The following MYO7B variants were observed in gnomAD, a reference collection of about 807,000 sequenced individuals.
MYO7B encodes the protein myosin VIIB.
MYO7B carries 212 observed loss-of-function variants against 259.7 expected under a neutral mutation model. That is an observed-to-expected ratio of 0.82 (90% confidence interval 0.73 to 0.91). MYO7B has a LOEUF of 0.91. MYO7B is among the 40% of genes least tolerant of loss of function. The pLI is 0.00. For missense variants in MYO7B, 2,732 were observed against 2,813.5 expected, an observed-to-expected ratio of 0.97 and a Z score of 0.66; for synonymous variants, 1,197 against 1,166.4, an observed-to-expected ratio of 1.03 and a Z score of -0.54.
At chr2:127,579,128 G>A (rs1303723629) in intron 9 of MYO7B, among the ~76,000 whole-genome samples, 1 of 152,178 alleles carries the variant, frequency 6.6e-6, no homozygotes, top group African/African-American at 2.4e-5. Context: ...CATGGAGAGA[G>A]GAATGGCGGG....
chr2:127,582,396 G>A lies in MYO7B; in HGVS notation c.1293G>A (p.Arg431=). 1 of 1,613,460 alleles carries A rather than the reference G, an allele frequency of 6.2e-7. No homozygotes were observed. Among genetic ancestry groups the A allele is most frequent in the Non-Finnish European group, 8.5e-7 (1 of 1,179,718 alleles). The change falls in exon 12 of 48, where the codon AGG becomes AGA. Residue 431 remains arginine (R), a synonymous_variant. Transcript: ENST00000409816. ...PPAQDPKNVR[R]AIGLLDIFGF... ...CCCAGGACCCCAAAAATGTGCGGAG[G>A]GCCATCGGCCTCCTGGACATATTTG... is the stretch of plus-strand genomic sequence containing the variant.
rs141611568 is a variant in MYO7B at position 127,627,892 on chromosome 2, G to A, written c.4461-480G>A. The A allele has an allele frequency of 8.5e-5, 39 of 459,046 alleles. No homozygotes were observed. In the East Asian group the frequency reaches 2.5e-3, roughly 29 times the overall value. The allele number at this position is 459,046 out of a possible 1,614,324, so 28.4% of individuals were successfully genotyped here. A position where few individuals can be genotyped will look rare whatever the true frequency, so the allele number is the denominator to read the frequency against. On this transcript the variant is annotated intron_variant, in intron 33 of 47. Coordinates refer to ENST00000409816, the MANE Select transcript of MYO7B (RefSeq NM_001393586.1). This position sits in a 1 kb window ranked among gnomAD's most constrained non-coding sequence, Gnocchi z 5.6. ...CATGCATCTCTGGGCTGTGCCAGGT[G>A]TACAGTGGCCACCACTCCCCACTGG... is the stretch of plus-strand genomic sequence containing the variant.
At chr2:127,626,332 T>C (rs1037250961) in intron 31 of MYO7B, 2 of 152,652 alleles carry the variant, frequency 1.3e-5, no homozygotes, top group Admixed American at 1.3e-4. Context: ...GTCACAATCC[T>C]GCAAGGCATA....
rs371460683 is a variant in MYO7B, at chr2:127,623,225, C to A, written c.3669C>A (p.Ile1223=). 35 of 1,613,506 alleles carry A rather than the reference C, an allele frequency of 2.2e-5. No homozygotes were observed. The highest frequency in any genetic ancestry group is 3.0e-5 in the Non-Finnish European group (35 of 1,179,788). The change falls in exon 29 of 48, where the codon ATC becomes ATA. Residue 1223 remains isoleucine, a synonymous_variant. Coordinates refer to ENST00000409816, the MANE Select transcript of MYO7B (RefSeq NM_001393586.1). The stretch of plus-strand genomic sequence containing the variant: ...AGGCTGTCAAGTCCAAGAAGCACAT[C>A]CCCATCCAAGTCATCTTGGCCACTG... ...ELQAVKSKKH[I]PIQVILATGE... is the part of the protein sequence containing the mutation.
Position 127,635,759 on chromosome 2 carries a change from C to G in MYO7B, c.5858C>G (p.Ser1953Trp). The change falls in exon 44 of 48, where the codon TCG (serine) becomes TGG (tryptophan). Residue 1953 changes from serine (S) to tryptophan (W), a missense_variant. By Grantham distance (177) the Ser-to-Trp change is radical. This residue lies in a region of MYO7B where 821 missense variants were observed against 769.3 expected (regional missense o/e 1.07). Coordinates refer to ENST00000409816, the MANE Select transcript of MYO7B (RefSeq NM_001393586.1). ...TACCTGCGCGGATTCCACAAGTGTTCGCGGGAGGATGCCATCCACCTGGCG... is the reference window on the plus strand; with the variant it reads ...TACCTGCGCGGATTCCACAAGTGTTGGCGGGAGGATGCCATCCACCTGGCG... ...PKYLRGFHKCSREDAIHLAGL... is the reference protein window; with the variant it reads ...PKYLRGFHKCWREDAIHLAGL... The G allele has an allele frequency of 6.2e-7, 1 of 1,603,318 alleles. No individual in the cohort carries two copies. Among genetic ancestry groups the G allele is most frequent in the South Asian group, 1.1e-5 (1 of 88,928 alleles).
chr2:127,623,085 C>G (rs1680917379), intron 28 of MYO7B, 117 bp from the exon 29 acceptor site: 13 of 1,283,252 alleles, frequency 1.0e-5, no homozygotes, highest in Non-Finnish European at 1.4e-5. Context: ...CCTGGGAACC[C>G]ACGGGATGGC....
At chr2:127,570,068 AG>A (rs1393782378) in intron 6 of MYO7B, among the ~76,000 whole-genome samples, 158 bp downstream of exon 6, 2 of 152,082 alleles carry the variant, frequency 1.3e-5, no homozygotes, top group Non-Finnish European at 2.9e-5. Flanking sequence ...TGGTAGGGGA[AG>A]GGGGGCCAGG....
rs748911434 is a variant in MYO7B, at chr2:127,584,089, C to A, written c.1344-33C>A. On this transcript the variant is annotated intron_variant, in intron 12 of 47. Transcript: ENST00000409816. The surrounding 1 kb of genome is among the most constrained non-coding windows in gnomAD (Gnocchi z 5.8). ...TGCAGCGGGGACTCAGCTGGCCCCA[C>A]TCCACCCCTGGGCAGTGACCTTGCC... is the stretch of plus-strand genomic sequence containing the variant. The A allele has an allele frequency of 9.4e-6, 15 of 1,592,106 alleles. No homozygotes were observed. The highest frequency in any genetic ancestry group is 2.3e-5 in the South Asian group (2 of 88,392).
intron 19 of MYO7B, among the ~76,000 whole-genome samples, chr2:127,599,036 G>A (rs1442891429): frequency 4.6e-5 from 7 of 152,098 alleles, no homozygotes; most frequent in Non-Finnish European, 1.0e-4. Flanking sequence ...AAGTGTTTTA[G>A]TTATTGTAGT....
In MYO7B at chr2:127,609,666, G is replaced by A. The variant is rs749804308; in HGVS notation, c.2975G>A (p.Arg992Gln). The change falls in exon 23 of 48, where the codon CGG becomes CAG. Residue 992 changes from arginine to glutamine, a missense_variant. By Grantham distance (43) the Arg-to-Gln change is conservative. Transcript: ENST00000409816. The surrounding 1 kb of genome is among the most constrained non-coding windows in gnomAD (Gnocchi z 6.9). ...TCAGCCAGCCACACACACATCCGGCGGCCCCTCCGATACCCGTTGCTTTAC... is the reference window on the plus strand; with the variant it reads ...TCAGCCAGCCACACACACATCCGGCAGCCCCTCCGATACCCGTTGCTTTAC... ...QKSASHTHIR[R>Q]PLRYPLLYHE... 1.4e-5 allele frequency: 22 copies of A among 1,613,856 alleles called. No homozygotes were observed. The South Asian group carries it at 1.5e-4, about 11-fold the overall frequency.
Position 127,609,951 on chromosome 2 carries a change from C to T in MYO7B, c.3127C>T (p.Gln1043Ter). The part of the protein sequence containing the change: ...SSQQGSSVMR[Q>*]IHDTLGREHG... ...CCAGCAGGGCAGCTCAGTGATGCGG[C>T]AGATCCATGACACGCTGGGCAGGGA... The change falls in exon 24 of 48, where the codon CAG becomes TAG. Residue 1043 changes from glutamine (Q) to a stop codon, truncating the protein, a stop_gained. Coordinates refer to ENST00000409816, the MANE Select transcript of MYO7B (RefSeq NM_001393586.1). LOFTEE classifies it high-confidence loss of function. The surrounding 1 kb of genome is among the most constrained non-coding windows in gnomAD (Gnocchi z 6.9). 6.2e-7 allele frequency: 1 copy of T among 1,607,864 alleles called. No individual in the cohort carries two copies. Among genetic ancestry groups the T allele is most frequent in the Non-Finnish European group, 8.5e-7 (1 of 1,177,092 alleles).
Position 127,584,009 on chromosome 2 carries a change from C to A in MYO7B, c.1344-113C>A. ...TGTACACGAGGTGTGCATCTGTGGGCATATCTGTATGCAGCTGTTTGCAGA... is the reference window on the plus strand; with the variant it reads ...TGTACACGAGGTGTGCATCTGTGGGAATATCTGTATGCAGCTGTTTGCAGA... On this transcript the variant is annotated intron_variant, in intron 12 of 47. Coordinates refer to ENST00000409816, the MANE Select transcript of MYO7B (RefSeq NM_001393586.1). This position sits in a 1 kb window ranked among gnomAD's most constrained non-coding sequence, Gnocchi z 5.8. 1 of 895,102 alleles carries A rather than the reference C, an allele frequency of 1.1e-6. No individual in the cohort carries two copies. The highest frequency in any genetic ancestry group is 1.8e-6 in the Non-Finnish European group (1 of 568,590). The allele number at this position is 895,102 out of a possible 1,614,324, so 55.4% of individuals were successfully genotyped here.
chr2:127,630,878 C>A lies in MYO7B; in HGVS notation c.4907C>A (p.Thr1636Asn), dbSNP rs1008418056. 6.2e-7 allele frequency: 1 copy of A among 1,602,606 alleles called. No individual in the cohort carries two copies. Among genetic ancestry groups the A allele is most frequent in the Non-Finnish European group, 8.5e-7 (1 of 1,174,646 alleles). ...PEEPPKEKLH[T>N]LEEFSYEFFR... Reference sequence around the variant, plus strand: ...GAGCCACCCAAGGAAAAGCTGCACACCCTGGAGGAGTTCTCCTATGAGTTC... The same window carrying A: ...GAGCCACCCAAGGAAAAGCTGCACAACCTGGAGGAGTTCTCCTATGAGTTC... Residue 1636 changes from threonine to asparagine, a missense_variant, in exon 36 of 48, where the codon ACC becomes AAC. By Grantham distance (65) the Thr-to-Asn change is moderately conservative (BLOSUM62 0). This residue lies in a region of MYO7B where 821 missense variants were observed against 769.3 expected (regional missense o/e 1.07). Coordinates refer to ENST00000409816, the MANE Select transcript of MYO7B (RefSeq NM_001393586.1).
At chr2:127,588,335 C>A in intron 14 of MYO7B, 57 bp from the exon 15 acceptor site, 1 of 1,585,420 alleles carries the variant, frequency 6.3e-7, no homozygotes, top group Non-Finnish European at 8.6e-7. Flanking sequence ...TCTTCTTCCC[C>A]ATGGGTGGGC....
chr2:127,636,221 C>A lies in MYO7B; in HGVS notation c.6020C>A (p.Ala2007Asp). The A allele has an allele frequency of 6.2e-7, 1 of 1,613,054 alleles. No individual in the cohort carries two copies. The highest frequency in any genetic ancestry group is 8.5e-7 in the Non-Finnish European group (1 of 1,179,432). The change falls in exon 45 of 48, where the codon GCC (alanine) becomes GAC (aspartate). Residue 2007 changes from alanine to aspartate, a missense_variant. By Grantham distance (126) the Ala-to-Asp change is moderately radical. Around this residue, in one of 3 missense-constraint regions of MYO7B, gnomAD observed 821 missense variants for 769.3 expected, o/e 1.07. Coordinates refer to ENST00000409816, the MANE Select transcript of MYO7B (RefSeq NM_001393586.1). This position sits in a 1 kb window ranked among gnomAD's most constrained non-coding sequence, Gnocchi z 4.5. ...CCTGTCCCCCAGAGCATCCTTCTAG[C>A]CTATGACAAGCATAAGGACAAGACA... ...SEEWKKSILL[A>D]YDKHKDKTVE...
At chr2:127,632,008 C>T (rs965127972) in intron 38 of MYO7B, among the ~76,000 whole-genome samples, 3 of 152,250 alleles carry the variant, frequency 2.0e-5, no homozygotes, top group African/African-American at 7.2e-5. Flanking sequence ...CCTCTCTGAG[C>T]TTCAGTGTCG....
rs1221636286 is a variant in MYO7B, at chr2:127,585,330, A to T, written c.1690+417A>T. ...TATTCTGACTTTTTGCATAAATGGAACCATATAATACGTGGTCTTCTGTGG... is the reference window on the plus strand; with the variant it reads ...TATTCTGACTTTTTGCATAAATGGATCCATATAATACGTGGTCTTCTGTGG... On this transcript the variant is annotated intron_variant, in intron 14 of 47. Coordinates refer to ENST00000409816, the MANE Select transcript of MYO7B (RefSeq NM_001393586.1). The surrounding 1 kb of genome is among the most constrained non-coding windows in gnomAD (Gnocchi z 4.3). Among the ~76,000 whole-genome samples, 1 of 152,098 alleles carries T rather than the reference A, an allele frequency of 6.6e-6. No homozygotes were observed. The highest frequency in any genetic ancestry group is 1.5e-5 in the Non-Finnish European group (1 of 68,020).
intron 24 of MYO7B, among the ~76,000 whole-genome samples, chr2:127,610,353 C>G (rs1286900087): frequency 1.3e-5 from 2 of 152,156 alleles, no homozygotes; most frequent in Non-Finnish European, 1.5e-5. Context: ...CTGCTCTGTG[C>G]CAGCTGCTAC....
rs564017832 is a variant in MYO7B at position 127,582,754 on chromosome 2, C to T, written c.1343+308C>T. ...TCAGGGTTGAAACAGAAATCAATAA[C>T]ATGGATTCATCTGCATCTGGCTGGT... On this transcript the variant is annotated intron_variant, in intron 12 of 47. Transcript: ENST00000409816. Among the ~76,000 whole-genome samples the T allele has an allele frequency of 2.8e-4, 43 of 152,328 alleles. No individual in the cohort carries two copies. The Middle Eastern group carries it at 0.01, about 36-fold the overall frequency.
Sources: gnomAD v4.1 joint callset for allele counts (sites outside exome capture counted in the v4.1 genomes callset) on GRCh38, gnomAD v4.1.1 for gene constraint, gnomAD v4.1.1 regional missense constraint, Gnocchi (gnomAD v3.1) non-coding constraint, MANE v1.5 for transcripts, NCBI Gene and HGNC (gene_info 2026-07-23, HGNC 2026-07-21) for gene names.